The following SIL1 variants were observed in gnomAD, a reference collection of about 807,000 sequenced individuals.
SIL1 encodes SIL1 nucleotide exchange factor.
Under a neutral mutation model 49.1 loss-of-function variants are expected in SIL1, and 40 were observed. The observed-to-expected ratio is 0.81, with a 90% CI of 0.63 to 1.06. The LOEUF (loss-of-function observed/expected upper bound fraction) is 1.06, where lower values mean the gene tolerates loss of function less well. Among genes scored for constraint, SIL1 ranks in the 50% least tolerant of loss-of-function variants. The pLI is 0.00. For missense variants in SIL1, 500 were observed against 572.6 expected (o/e 0.87, Z 1.29); for synonymous variants, 253 against 250.8 (o/e 1.01, Z -0.08).
At chr5:139,048,045 G>A (rs2150450822) in intron 4 of SIL1, among the ~76,000 whole-genome samples, 1 of 152,308 alleles carries the variant, frequency 6.6e-6, no homozygotes, top group African/African-American at 2.4e-5. Context: ...TAGTCAGGTG[G>A]TAGAGAAGTG....
rs1174324769 is a variant in SIL1 at position 138,948,607 on chromosome 5, G to A, written c.1030-1134C>T. 2.1e-5 allele frequency among the ~76,000 whole-genome samples: 3 copies of A among 141,720 alleles called. No homozygotes were observed. Among genetic ancestry groups the A allele is most frequent in the African/African-American group, 5.3e-5 (2 of 37,424 alleles). 93.0% of individuals were successfully genotyped at this position (141,720 alleles called of 152,430 possible). On this transcript the variant is annotated intron_variant, in intron 9 of 9. Coordinates refer to ENST00000394817, the MANE Select transcript of SIL1 (RefSeq NM_022464.5). The surrounding 1 kb of genome is among the most constrained non-coding windows in gnomAD (Gnocchi z 4.8). ...ACTCTCCCCTGGGGCCTCTGGAGGC[G>A]CAGCTCCGACTTCCAGGTGCACCCC...
intron 1 of SIL1, among the ~76,000 whole-genome samples, chr5:139,144,059 A>C (rs2151802712): frequency 6.6e-6 from 1 of 152,380 alleles, no homozygotes; most frequent in African/African-American, 2.4e-5. Context: ...ATGCAACGCA[A>C]TCCCTTTCAA....
chr5:139,129,923 T>G (rs145317505), intron 1 of SIL1, among the ~76,000 whole-genome samples: 3 of 152,250 alleles, frequency 2.0e-5, no homozygotes, highest in African/African-American at 7.2e-5. Flanking sequence ...AAGGATATTA[T>G]CAAATAGTGA....
rs568448255 is a variant in SIL1 at position 139,011,246 on chromosome 5, T to G, written c.767+9925A>C. Among the ~76,000 whole-genome samples, 1,130 of 151,862 alleles carry G rather than the reference T, an allele frequency of 7.4e-3. 11 individuals carry two copies. Among genetic ancestry groups the G allele is most frequent in the African/African-American group, 0.021 (874 of 41,426 alleles). ...ATTTTCCAGGTGCGTCCGTCACCCCTTTCTTTGACTCGGAAAGGGAACTCC... is the reference window on the plus strand; with the variant it reads ...ATTTTCCAGGTGCGTCCGTCACCCCGTTCTTTGACTCGGAAAGGGAACTCC... On this transcript the variant is annotated intron_variant, in intron 7 of 9. Transcript: ENST00000394817.
chr5:139,088,172 C>T (rs770977082), intron 3 of SIL1, among the ~76,000 whole-genome samples: 2 of 152,248 alleles, frequency 1.3e-5, no homozygotes, highest in Non-Finnish European at 2.9e-5. Context: ...TGCTGCTGTT[C>T]TGCCCACAAT....
At chr5:139,165,099 G>A (rs982379771) in intron 1 of SIL1, among the ~76,000 whole-genome samples, 5 of 151,932 alleles carry the variant, frequency 3.3e-5, no homozygotes, top group Non-Finnish European at 7.4e-5. Flanking sequence ...TAAGAGTCAC[G>A]CATTCTTTTA....
At chr5:139,083,430 GTGA>G (rs1340517687) in intron 3 of SIL1, among the ~76,000 whole-genome samples, 1 of 144,364 alleles carries the variant, frequency 6.9e-6, no homozygotes, top group South Asian at 2.4e-4. Flanking sequence ...CTGATGGCCA[GTGA>G]TGATGAGCAT....
intron 5 of SIL1, among the ~76,000 whole-genome samples, chr5:139,031,932 A>G (rs1163730348): frequency 6.6e-6 from 1 of 152,242 alleles, no homozygotes; most frequent in Non-Finnish European, 1.5e-5. Flanking sequence ...TTGTTAGTAT[A>G]TAGAAATACA....
At chr5:138,959,444 A>T (rs1766971279) in intron 7 of SIL1, among the ~76,000 whole-genome samples, 1 of 152,192 alleles carries the variant, frequency 6.6e-6, no homozygotes, top group African/African-American at 2.4e-5. Flanking sequence ...AGAAAAACAT[A>T]TTCTGATACT....
intron 3 of SIL1, among the ~76,000 whole-genome samples, chr5:139,106,797 A>G (rs968626686): frequency 7.9e-5 from 12 of 152,276 alleles, no homozygotes; most frequent in Non-Finnish European, 1.5e-4. Context: ...TTTACACTTA[A>G]GAAAAGCAAG....
At chr5:139,120,984 T>C (rs779939834) in intron 3 of SIL1, 51 bp downstream of exon 3, 32 of 1,611,242 alleles carry the variant, frequency 2.0e-5, no homozygotes, top group Non-Finnish European at 2.7e-5. Context: ...AAAGGACATA[T>C]GCAGTTTGAA....
chr5:138,969,525 G>A (rs79020356), intron 7 of SIL1, among the ~76,000 whole-genome samples: 4 of 152,098 alleles, frequency 2.6e-5, no homozygotes, highest in African/African-American at 7.2e-5. Context: ...AATACTCCAC[G>A]CTCCACCAAC....
chr5:139,009,326 T>C (rs1352345938), intron 7 of SIL1, among the ~76,000 whole-genome samples: 5 of 142,732 alleles, frequency 3.5e-5, no homozygotes, highest in South Asian at 2.5e-4. Context: ...TAGATCTTCC[T>C]CCATCCTTTT....
chr5:139,045,045 C>T (rs1581055166), intron 4 of SIL1, among the ~76,000 whole-genome samples: 2 of 152,156 alleles, frequency 1.3e-5, no homozygotes, highest in East Asian at 3.9e-4. Context: ...AGCATTTGCA[C>T]AGTTGACCCT....
chr5:138,997,644 C>T (rs1279717364), intron 7 of SIL1, among the ~76,000 whole-genome samples: 1 of 152,236 alleles, frequency 6.6e-6, no homozygotes, highest in African/African-American at 2.4e-5. Flanking sequence ...ACTGCAACCT[C>T]CACCTCCAGG....
At chr5:139,017,784 A>G (rs972777256) in intron 7 of SIL1, among the ~76,000 whole-genome samples, 26 of 151,992 alleles carry the variant, frequency 1.7e-4, no homozygotes, top group African/African-American at 6.3e-4. Flanking sequence ...CCTTTTCGAG[A>G]CTCCCCTTAT....
At chr5:139,018,891 A>C (rs1016551821) in intron 7 of SIL1, among the ~76,000 whole-genome samples, 1 of 152,156 alleles carries the variant, frequency 6.6e-6, no homozygotes, top group African/African-American at 2.4e-5. Flanking sequence ...TAACGTAAGA[A>C]AAAGGTGAGG....
intron 7 of SIL1, among the ~76,000 whole-genome samples, chr5:139,019,453 C>T (rs543933868): frequency 1.3e-5 from 2 of 152,176 alleles, no homozygotes; most frequent in African/African-American, 2.4e-5. Flanking sequence ...CCATCAAAAA[C>T]CTAGCTAGAA....
intron 7 of SIL1, among the ~76,000 whole-genome samples, chr5:138,966,420 G>A (rs1472259280): frequency 1.3e-5 from 2 of 152,060 alleles, no homozygotes; most frequent in Admixed American, 1.3e-4. Flanking sequence ...CACTGACCCA[G>A]CCCCTCAGCT....
Sources: gnomAD v4.1 joint callset for allele counts (sites outside exome capture counted in the v4.1 genomes callset) on GRCh38, gnomAD v4.1.1 for gene constraint, Gnocchi (gnomAD v3.1) non-coding constraint, MANE v1.5 for transcripts, NCBI Gene and HGNC (gene_info 2026-07-23, HGNC 2026-07-21) for gene names.